Variants in EIF6 observed in about 807,000 individuals in gnomAD.
EIF6 encodes eukaryotic translation initiation factor 6, also known as B4 integrin interactor.
EIF6 carries 10 observed loss-of-function variants against 25.5 expected under a neutral mutation model. That is an observed-to-expected ratio of 0.39 (90% CI 0.24 to 0.66). The LOEUF (loss-of-function observed/expected upper bound fraction) is 0.66. EIF6 is among the 30% of genes least tolerant of loss of function. EIF6 has a pLI of 0.45. For missense variants in EIF6, 246 were observed against 315.4 expected (o/e 0.78, Z 1.67); for synonymous variants, 122 against 122.6 (o/e 1.00, Z 0.03).
intron 1 of EIF6, 81 bp from the exon 2 acceptor site, chr20:35,284,573 C>T (rs903342436): frequency 7.4e-6 from 11 of 1,485,878 alleles, no homozygotes; most frequent in Non-Finnish European, 9.1e-6. Flanking sequence ...GGCCCCGCCG[C>T]GACCCCGCCC....
At chr20:35,283,548 C>T (rs536086269) in intron 3 of EIF6, among the ~76,000 whole-genome samples, 1 of 152,198 alleles carries the variant, frequency 6.6e-6, no homozygotes, top group East Asian at 1.9e-4. Context: ...GCCTATAATC[C>T]CAACACTTTA....
At chr20:35,283,230 G>A (rs1180228424) in intron 3 of EIF6, among the ~76,000 whole-genome samples, 2 of 151,864 alleles carry the variant, frequency 1.3e-5, no homozygotes, top group Admixed American at 6.6e-5. Context: ...GTGTTGCAGT[G>A]AGCCAAGATC....
At chr20:35,282,641 A>AT (rs2060786247) in intron 3 of EIF6, among the ~76,000 whole-genome samples, 1 of 151,244 alleles carries the variant, frequency 6.6e-6, no homozygotes, top group Non-Finnish European at 1.5e-5. Context: ...TTTCACTCTT[A>AT]TTGCCCAGGC....
Position 35,279,068 on chromosome 20 carries a change from G to A in EIF6, c.*129C>T. ...AAGCACAGGTGGAAAAGGGTTGGGTGCCCAGCCCCTCAGTCCCAGTGAGCT... is the reference window on the plus strand; with the variant it reads ...AAGCACAGGTGGAAAAGGGTTGGGTACCCAGCCCCTCAGTCCCAGTGAGCT... On this transcript the variant is annotated 3_prime_UTR_variant, in exon 7 of 7. Transcript: ENST00000374450. The A allele has an allele frequency of 8.3e-7, 1 of 1,200,640 alleles. No individual in the cohort carries two copies. The highest frequency in any genetic ancestry group is 1.3e-5 in the South Asian group (1 of 78,750). 74.4% of individuals were successfully genotyped at this position (1,200,640 alleles called of 1,614,324 possible).
At position 35,280,653 on chromosome 20, in the gene EIF6, C is replaced by G; in HGVS notation, c.369+1G>C. The stretch of plus-strand genomic sequence containing the variant: ...TCTTGGGTCAAGTTGGGCTGCCTCA[C>G]CCTGTCCAAGTCTGGGTGGACCAAG... On this transcript the variant is annotated splice_donor_variant, in intron 4 of 6. Coordinates refer to ENST00000374450, the MANE Select transcript of EIF6 (RefSeq NM_002212.4). LOFTEE classifies it high-confidence loss of function. 4 of 1,612,928 alleles carry G rather than the reference C, an allele frequency of 2.5e-6. No homozygotes were observed. Among genetic ancestry groups the G allele is most frequent in the Non-Finnish European group, 3.4e-6 (4 of 1,179,500 alleles).
Position 35,279,010 on chromosome 20 carries a change from C to G in EIF6, c.*187G>C. The G allele has an allele frequency of 1.4e-6, 1 of 719,346 alleles. No individual in the cohort carries two copies. Among genetic ancestry groups the G allele is most frequent in the Non-Finnish European group, 2.4e-6 (1 of 419,920 alleles). 44.6% of individuals were successfully genotyped at this position (719,346 alleles called of 1,614,324 possible). A position where few individuals can be genotyped will look rare whatever the true frequency, so the allele number is the denominator to read the frequency against. On this transcript the variant is annotated 3_prime_UTR_variant, in exon 7 of 7. Coordinates refer to ENST00000374450, the MANE Select transcript of EIF6 (RefSeq NM_002212.4). Reference sequence around the variant, plus strand: ...GGGCCTGCCAGCCAGCACAACAGAGCAGGTTTTTGCAGTAATGATAGATCC... The same window carrying G: ...GGGCCTGCCAGCCAGCACAACAGAGGAGGTTTTTGCAGTAATGATAGATCC...
chr20:35,284,027 T>C (rs2146266689), intron 3 of EIF6, 149 bp downstream of exon 3: 2 of 1,021,904 alleles, frequency 2.0e-6, no homozygotes, highest in Non-Finnish European at 1.4e-6. Flanking sequence ...TGCCCCGATC[T>C]CCTGACGCTT....
At chr20:35,284,113 C>G (rs2060801212) in intron 3 of EIF6, 63 bp downstream of exon 3, 3 of 1,523,424 alleles carry the variant, frequency 2.0e-6, no homozygotes, top group Non-Finnish European at 2.6e-6. Flanking sequence ...GGGTTCCCTC[C>G]GGGGGTGTAA....
chr20:35,284,408 G>A lies in EIF6; in HGVS notation c.80C>T (p.Ala27Val), dbSNP rs2060806280. 1.2e-6 allele frequency: 2 copies of A among 1,613,870 alleles called. No individual in the cohort carries two copies. The highest frequency in any genetic ancestry group is 1.3e-5 in the African/African-American group (1 of 74,924). Reference protein sequence around the residue: ...AKLTNTYCLVAIGGSENFYSV... With the variant: ...AKLTNTYCLVVIGGSENFYSV... ...GTAGAAGTTCTCTGAGCCTCCGATC[G>A]CTACCAGACAGTAGGTGTTGGTGAG... is the stretch of plus-strand genomic sequence containing the variant. The change falls in exon 2 of 7, where the codon GCG (alanine) becomes GTG (valine). Residue 27 changes from alanine to valine, a missense_variant. Physicochemically the swap from Ala to Val is moderately conservative, Grantham distance 64. Coordinates refer to ENST00000374450, the MANE Select transcript of EIF6 (RefSeq NM_002212.4).
chr20:35,279,291 T>G (rs2060748811), intron 6 of EIF6, 85 bp from the exon 7 acceptor site: 1 of 1,553,302 alleles, frequency 6.4e-7, no homozygotes, highest in South Asian at 1.1e-5. Context: ...TCAGCCCTCA[T>G]CCCGGGACCA....
chr20:35,280,970 G>C, intron 3 of EIF6, 141 bp from the exon 4 acceptor site: 4 of 978,612 alleles, frequency 4.1e-6, no homozygotes, highest in Non-Finnish European at 6.0e-6. Context: ...CACTGATCTG[G>C]AAAACACCCA....
In EIF6 at chr20:35,284,192, G is replaced by A. The variant is rs376780813; in HGVS notation, c.177C>T (p.Ile59=). The change falls in exon 3 of 7, where the codon ATC becomes ATT. Residue 59 remains isoleucine, a synonymous_variant. Transcript: ENST00000374450. ...VHASIAGCRI[I]GRMCVGNRHG... is the part of the protein sequence containing the mutation. ...CTGCCTTACCCACACACATGCGCCCGATGATGCGGCAGCCGGCGATAGACG... is the reference window on the plus strand; with the variant it reads ...CTGCCTTACCCACACACATGCGCCCAATGATGCGGCAGCCGGCGATAGACG... The A allele has an allele frequency of 2.5e-6, 4 of 1,596,558 alleles. No homozygotes were observed. Among genetic ancestry groups the A allele is most frequent in the South Asian group, 2.2e-5 (2 of 90,692 alleles).
chr20:35,279,065 G>A lies in EIF6; in HGVS notation c.*132C>T, dbSNP rs972582805. On this transcript the variant is annotated 3_prime_UTR_variant, in exon 7 of 7. Transcript: ENST00000374450. The stretch of plus-strand genomic sequence containing the variant: ...GATAAGCACAGGTGGAAAAGGGTTG[G>A]GTGCCCAGCCCCTCAGTCCCAGTGA... 1 of 1,163,766 alleles carries A rather than the reference G, an allele frequency of 8.6e-7. No individual in the cohort carries two copies. The highest frequency in any genetic ancestry group is 1.3e-6 in the Non-Finnish European group (1 of 788,606). The allele number at this position is 1,163,766 out of a possible 1,614,324, so 72.1% of individuals were successfully genotyped here.
At chr20:35,279,832 C>G in intron 5 of EIF6, 85 bp from the exon 6 acceptor site, 3 of 1,592,054 alleles carry the variant, frequency 1.9e-6, no homozygotes, top group Non-Finnish European at 2.6e-6. Context: ...CTGCTCCTCC[C>G]TGACCTGCAG....
chr20:35,284,284 G>A, intron 2 of EIF6, 23 bp from the exon 3 acceptor site: 1 of 1,613,922 alleles, frequency 6.2e-7, no homozygotes, highest in South Asian at 1.1e-5. Flanking sequence ...GGACTCGGTG[G>A]TGGCGGGGCA....
At position 35,279,965 on chromosome 20, in the gene EIF6, A is replaced by G; in HGVS notation, c.523T>C (p.Ser175Pro). The G allele has an allele frequency of 6.2e-7, 1 of 1,614,116 alleles. No individual in the cohort carries two copies. Among genetic ancestry groups the G allele is most frequent in the Non-Finnish European group, 8.5e-7 (1 of 1,179,990 alleles). Residue 175 changes from serine to proline, a missense_variant, in exon 5 of 7, where the codon TCT becomes CCT. By Grantham distance (74) the Ser-to-Pro change is moderately conservative (BLOSUM62 -1). Transcript: ENST00000374450. Reference protein sequence around the residue: ...TSIEDQDELSSLLQVPLVAGT... With the variant: ...TSIEDQDELSPLLQVPLVAGT... ...ACCACAAGGGGGACTTGAAGAAGAG[A>G]GGACAGCTCATCCTGGTCTTCAATT...
At position 35,280,841 on chromosome 20, in the gene EIF6, C is replaced by G. The variant is rs1364283023; in HGVS notation, c.194-12G>C. 1.2e-6 allele frequency: 2 copies of G among 1,613,044 alleles called. No homozygotes were observed. Among genetic ancestry groups the G allele is most frequent in the South Asian group, 1.1e-5 (1 of 90,744 alleles). ...ACCGTGCCTGTTCCCTGGAGAAACC[C>G]AAATTAGAGGGTGAATACACAAGAT... On this transcript the variant is annotated splice_polypyrimidine_tract_variant and intron_variant, in intron 3 of 6. Coordinates refer to ENST00000374450, the MANE Select transcript of EIF6 (RefSeq NM_002212.4).
In EIF6 at chr20:35,280,778, T is replaced by G; in HGVS notation, c.245A>C (p.Gln82Pro). The stretch of plus-strand genomic sequence containing the variant: ...GTCTGGGAGGCTGTTGCGAATGTGT[T>G]GCAGCTCCTGGTCGGTGGTATTGTT... Reference protein sequence around the residue: ...VPNNTTDQELQHIRNSLPDTV... With the variant: ...VPNNTTDQELPHIRNSLPDTV... The change falls in exon 4 of 7, where the codon CAA (glutamine) becomes CCA (proline). Residue 82 changes from glutamine (Q) to proline (P), a missense_variant. Coordinates refer to ENST00000374450, the MANE Select transcript of EIF6 (RefSeq NM_002212.4). The G allele has an allele frequency of 1.2e-6, 2 of 1,614,110 alleles. No individual in the cohort carries two copies. The highest frequency in any genetic ancestry group is 1.7e-6 in the Non-Finnish European group (2 of 1,180,016).
At position 35,279,109 on chromosome 20, in the gene EIF6, G is replaced by C. The variant is rs2060746034; in HGVS notation, c.*88C>G. The C allele has an allele frequency of 1.9e-6, 3 of 1,572,110 alleles. No individual in the cohort carries two copies. Among genetic ancestry groups the C allele is most frequent in the Non-Finnish European group, 2.6e-6 (3 of 1,144,332 alleles). On this transcript the variant is annotated 3_prime_UTR_variant, in exon 7 of 7. Transcript: ENST00000374450. ...CCAGTGAGCTCTCTGCCACCTCCCT[G>C]CCAGCATCCGGTACAGATTGGGCGG... is the stretch of plus-strand genomic sequence containing the variant.
Sources: allele counts gnomAD v4.1 joint callset (sites outside exome capture counted in the v4.1 genomes callset), GRCh38; gene constraint gnomAD v4.1.1; transcripts MANE v1.5; gene names NCBI Gene and HGNC (gene_info 2026-07-23, HGNC 2026-07-21).